Variants in CFTR observed in about 807,000 individuals in gnomAD.
The protein encoded by CFTR is CF transmembrane conductance regulator.
In CFTR, 181 loss-of-function variants were observed where a neutral mutation model predicts 171.6. The ratio of observed to expected loss-of-function variants is 1.05; its 90% CI spans 0.93 to 1.19. The LOEUF is 1.19. Ranked by LOEUF, CFTR falls within the 50% of genes most tolerant of loss-of-function variation. The pLI, the probability that CFTR is intolerant of heterozygous loss-of-function variation, is 0.00. For synonymous variants in CFTR, 583 were observed against 608.0 expected (o/e 0.96, Z 0.60); for missense variants, 1,968 against 1,734.7 (o/e 1.13, Z -2.39).
chr7:117,650,607 G>A, intron 23 of CFTR, among the ~76,000 whole-genome samples: 1 of 152,038 alleles, frequency 6.6e-6, no homozygotes, highest in East Asian at 1.9e-4. Flanking sequence ...AGTCCTCCAT[G>A]ATAATGCCAT....
intron 12 of CFTR, among the ~76,000 whole-genome samples, chr7:117,589,592 T>C (rs1347683140): frequency 6.6e-6 from 1 of 151,998 alleles, no homozygotes; most frequent in African/African-American, 2.4e-5. Flanking sequence ...TCAATGTAGA[T>C]TTTACTTGCT....
intron 24 of CFTR, among the ~76,000 whole-genome samples, chr7:117,663,479 T>C (rs796563447): frequency 6.7e-6 from 1 of 149,414 alleles, no homozygotes; most frequent in African/African-American, 2.5e-5. Flanking sequence ...TACTTTCAAA[T>C]GTTTTTTGCT....
chr7:117,611,714 G>T lies in CFTR; in HGVS notation c.3273G>T (p.Leu1091Phe), dbSNP rs752753702. ...ALNLHTANWFLYLSTLRWFQM... is the reference protein window; with the variant it reads ...ALNLHTANWFFYLSTLRWFQM... The stretch of plus-strand genomic sequence containing the variant: ...ATTTACATACTGCCAACTGGTTCTT[G>T]TACCTGTCAACACTGCGCTGGTTCC... Residue 1091 changes from leucine (L) to phenylalanine (F), a missense_variant, in exon 20 of 27, where the codon TTG becomes TTT. Physicochemically the swap from Leu to Phe is conservative, Grantham distance 22 (BLOSUM62 0). Transcript: ENST00000003084. 1 of 1,613,506 alleles carries T rather than the reference G, an allele frequency of 6.2e-7. No homozygotes were observed. Among genetic ancestry groups the T allele is most frequent in the Non-Finnish European group, 8.5e-7 (1 of 1,179,732 alleles).
chr7:117,532,558 A>G (rs1798880895), intron 4 of CFTR, among the ~76,000 whole-genome samples: 2 of 152,194 alleles, frequency 1.3e-5, no homozygotes, highest in South Asian at 4.1e-4. Context: ...ACTGATATTT[A>G]GTGGTCAGAC....
chr7:117,539,829 T>G (rs1358904140), intron 7 of CFTR, among the ~76,000 whole-genome samples: 1 of 151,066 alleles, frequency 6.6e-6, no homozygotes, highest in Admixed American at 6.6e-5. Context: ...TAATTATAAT[T>G]TAAAAATAAT....
chr7:117,517,225 A>G (rs2116651766), intron 3 of CFTR, among the ~76,000 whole-genome samples: 1 of 150,584 alleles, frequency 6.6e-6, no homozygotes, highest in Non-Finnish European at 1.5e-5. Context: ...ACCCCCTCAC[A>G]GGCCCCTGTG....
chr7:117,509,897 G>A (rs574699117), intron 3 of CFTR, among the ~76,000 whole-genome samples: 30 of 152,186 alleles, frequency 2.0e-4, no homozygotes, highest in African/African-American at 7.0e-4. Context: ...TTTGCTTTGG[G>A]GCGTTTACTT....
chr7:117,513,052 A>G (rs1420451935), intron 3 of CFTR, among the ~76,000 whole-genome samples: 1 of 152,182 alleles, frequency 6.6e-6, no homozygotes, highest in African/African-American at 2.4e-5. Context: ...ATACAAGCCT[A>G]CTGCTAATAT....
In CFTR at chr7:117,617,009, T is replaced by G. The variant is rs1199486754; in HGVS notation, c.3468+2296T>G. 2.0e-5 allele frequency among the ~76,000 whole-genome samples: 3 copies of G among 152,198 alleles called. No individual in the cohort carries two copies. The East Asian group carries it at 5.8e-4, about 29-fold the overall frequency. On this transcript the variant is annotated intron_variant, in intron 21 of 26. Transcript: ENST00000003084. Reference sequence around the variant, plus strand: ...TAGATAGGACTATGCCCTCAAATTTTACGTTTATATGATGTTAATCCTAAA... The same window carrying G: ...TAGATAGGACTATGCCCTCAAATTTGACGTTTATATGATGTTAATCCTAAA...
At chr7:117,546,335 A>G (rs541480775) in intron 9 of CFTR, among the ~76,000 whole-genome samples, 2 of 152,100 alleles carry the variant, frequency 1.3e-5, no homozygotes, top group South Asian at 2.1e-4. Flanking sequence ...GGGTCTCACT[A>G]CGTTGCCCAG....
At chr7:117,548,248 G>A (rs1416410041) in intron 9 of CFTR, among the ~76,000 whole-genome samples, 6 of 151,996 alleles carry the variant, frequency 3.9e-5, no homozygotes, top group Non-Finnish European at 5.9e-5. Flanking sequence ...CTACAGCTTT[G>A]AAAGAGGAGG....
At position 117,590,409 on chromosome 7, in the gene CFTR, A is replaced by G. The variant is rs397508288; in HGVS notation, c.1736A>G (p.Asp579Gly). 6.2e-7 allele frequency: 1 copy of G among 1,603,116 alleles called. No homozygotes were observed. The highest frequency in any genetic ancestry group is 8.5e-7 in the Non-Finnish European group (1 of 1,172,168). Residue 579 changes from aspartate to glycine, a missense_variant, in exon 13 of 27, where the codon GAT (aspartate) becomes GGT (glycine). Coordinates refer to ENST00000003084, the MANE Select transcript of CFTR (RefSeq NM_000492.4). Reference sequence around the variant, plus strand: ...TTAGACTCTCCTTTTGGATACCTAGATGTTTTAACAGAAAAAGAAATATTT... The same window carrying G: ...TTAGACTCTCCTTTTGGATACCTAGGTGTTTTAACAGAAAAAGAAATATTT... ...YLLDSPFGYL[D>G]VLTEKEIFES... is the part of the protein sequence containing the mutation.
chr7:117,573,496 T>C (rs992358774), intron 11 of CFTR, among the ~76,000 whole-genome samples: 1 of 152,062 alleles, frequency 6.6e-6, no homozygotes, highest in Non-Finnish European at 1.5e-5. Context: ...AGCTCAAACA[T>C]TAGTACACAT....
rs547105876 is a variant in CFTR, at chr7:117,604,815, T to C, written c.2908+1033T>C. 11 of 152,302 alleles carry C rather than the reference T, an allele frequency of 7.2e-5. 1 individual carries two copies. The East Asian group carries it at 1.2e-3, about 16-fold the overall frequency. 9.4% of individuals were successfully genotyped at this position (152,302 alleles called of 1,614,324 possible). A position where few individuals can be genotyped will look rare whatever the true frequency, so the allele number is the denominator to read the frequency against. ...ATTAAGTTGATCCATTGATTTTATTTTTTATGGAAATCTGAGACCCACAGA... is the reference window on the plus strand; with the variant it reads ...ATTAAGTTGATCCATTGATTTTATTCTTTATGGAAATCTGAGACCCACAGA... On this transcript the variant is annotated intron_variant, in intron 17 of 26. Coordinates refer to ENST00000003084, the MANE Select transcript of CFTR (RefSeq NM_000492.4).
At chr7:117,532,444 T>C (rs1798879505) in intron 4 of CFTR, among the ~76,000 whole-genome samples, 1 of 152,178 alleles carries the variant, frequency 6.6e-6, no homozygotes, top group Non-Finnish European at 1.5e-5. Context: ...AACTAAGATT[T>C]AAAAAGTACA....
At chr7:117,571,085 A>G (rs1345159774) in intron 11 of CFTR, among the ~76,000 whole-genome samples, 1 of 152,146 alleles carries the variant, frequency 6.6e-6, no homozygotes, top group East Asian at 1.9e-4. Flanking sequence ...GCCTCATAAT[A>G]TCAAATTTAA....
rs1306021109 is a variant in CFTR, at chr7:117,602,809, G to A, written c.2620-17G>A. On this transcript the variant is annotated splice_polypyrimidine_tract_variant and intron_variant, in intron 15 of 26. Coordinates refer to ENST00000003084, the MANE Select transcript of CFTR (RefSeq NM_000492.4). ...AGATGTTAGAAAAAAAATCAACTGT[G>A]TCTTGTTCCATTCCAGGTGGCTGCT... 5 of 1,613,008 alleles carry A rather than the reference G, an allele frequency of 3.1e-6. No homozygotes were observed. In the African/African-American group the frequency reaches 6.7e-5, roughly 22 times the overall value.
At chr7:117,655,670 A>G (rs1350295212) in intron 24 of CFTR, among the ~76,000 whole-genome samples, 2 of 152,124 alleles carry the variant, frequency 1.3e-5, no homozygotes, top group African/African-American at 4.8e-5. Flanking sequence ...TTCCACATTG[A>G]GTATTTGTTA....
intron 3 of CFTR, among the ~76,000 whole-genome samples, chr7:117,510,420 T>C (rs929653673): frequency 5.3e-5 from 8 of 152,172 alleles, no homozygotes; most frequent in Admixed American, 1.3e-4. Context: ...ATCATATAAA[T>C]CATGTAAGTA....
Sources: allele counts gnomAD v4.1 joint callset (sites outside exome capture counted in the v4.1 genomes callset), GRCh38; gene constraint gnomAD v4.1.1; transcripts MANE v1.5; gene names NCBI Gene and HGNC (gene_info 2026-07-23, HGNC 2026-07-21).